Variants in ZCCHC24 observed in about 807,000 individuals in gnomAD.
The protein encoded by ZCCHC24 is zinc finger CCHC domain-containing protein 24.
In ZCCHC24, 10 loss-of-function variants were observed where a neutral mutation model predicts 26.2. The ratio of observed to expected loss-of-function variants is 0.38; its 90% CI spans 0.24 to 0.65. The LOEUF (loss-of-function observed/expected upper bound fraction) is 0.65, where lower values mean the gene tolerates loss of function less well. Ranked by LOEUF, ZCCHC24 falls within the 30% of genes least tolerant of loss-of-function variation. The pLI, the probability that ZCCHC24 is intolerant of heterozygous loss-of-function variation, is 0.54. For synonymous variants in ZCCHC24, 144 were observed against 147.1 expected, an observed-to-expected ratio of 0.98 and a Z score of 0.15; for missense variants, 243 against 329.1, an observed-to-expected ratio of 0.74 and a Z score of 2.03.
intron 3 of ZCCHC24, among the ~76,000 whole-genome samples, chr10:79,393,747 A>G (rs1024261490): frequency 2.0e-5 from 3 of 152,060 alleles, no homozygotes; most frequent in African/African-American, 2.4e-5. Flanking sequence ...TTACAGCCTC[A>G]GGGCATTTGC....
chr10:79,404,514 C>T (rs1856681859), intron 2 of ZCCHC24, among the ~76,000 whole-genome samples: 2 of 152,164 alleles, frequency 1.3e-5, no homozygotes, highest in South Asian at 4.1e-4. Context: ...ACAGGGATTG[C>T]TGGCTGCCTT....
At chr10:79,407,611 C>T (rs568382601) in intron 2 of ZCCHC24, among the ~76,000 whole-genome samples, 1 of 152,296 alleles carries the variant, frequency 6.6e-6, no homozygotes, top group Non-Finnish European at 1.5e-5. Context: ...GCCACCGCCC[C>T]AGTGATCCTG....
At chr10:79,413,253 A>G (rs7100203) in intron 2 of ZCCHC24, among the ~76,000 whole-genome samples, 5,370 of 152,336 alleles carry the variant, frequency 0.035, 314 homozygotes, top group African/African-American at 0.12. Context: ...ACCGGCCCAC[A>G]GCATGGAGAG....
chr10:79,426,840 C>T (rs1002306608), intron 2 of ZCCHC24, among the ~76,000 whole-genome samples: 7 of 152,038 alleles, frequency 4.6e-5, no homozygotes, highest in African/African-American at 9.7e-5. Context: ...CCTAAATCTA[C>T]GTCAAAAAGA....
At chr10:79,395,482 G>A (rs1181177261) in intron 2 of ZCCHC24, among the ~76,000 whole-genome samples, 1 of 152,226 alleles carries the variant, frequency 6.6e-6, no homozygotes, top group Non-Finnish European at 1.5e-5. Context: ...CAATGGGTAT[G>A]AGCACCACTA....
rs5786398 is a variant in ZCCHC24 at position 79,383,631 on chromosome 10, CTTTT to C, written c.*2710_*2713del. The C allele has an allele frequency of 6.9e-6, 1 of 144,326 alleles. No homozygotes were observed. Among genetic ancestry groups the C allele is most frequent in the Non-Finnish European group, 1.5e-5 (1 of 65,740 alleles). 8.9% of individuals were successfully genotyped at this position (144,326 alleles called of 1,614,324 possible). On this transcript the variant is annotated 3_prime_UTR_variant, in exon 4 of 4. Coordinates refer to ENST00000372336, the MANE Select transcript of ZCCHC24 (RefSeq NM_153367.4). ...AATCAAACAATTATATTTTTCTTTT[CTTTT>C]TTTTTTTTTAAAAAAAGGCCCTCAA...
At position 79,382,643 on chromosome 10, in the gene ZCCHC24, A is replaced by AT; in HGVS notation, c.*3701dup. 1 of 153,020 alleles carries AT rather than the reference A, an allele frequency of 6.5e-6. No individual in the cohort carries two copies. The allele number at this position is 153,020 out of a possible 1,614,324, so 9.5% of individuals were successfully genotyped here. ...ACAGCCCCCAGGGGACCGCTTGGCC[A>AT]TCTCGCTGAAGGCTGGAACACCCCC... On this transcript the variant is annotated 3_prime_UTR_variant, in exon 4 of 4. Coordinates refer to ENST00000372336, the MANE Select transcript of ZCCHC24 (RefSeq NM_153367.4).
At chr10:79,411,037 A>G (rs1284205260) in intron 2 of ZCCHC24, among the ~76,000 whole-genome samples, 1 of 152,116 alleles carries the variant, frequency 6.6e-6, no homozygotes, top group African/African-American at 2.4e-5. Context: ...AGGGAAGGTG[A>G]TGACGGTGTC....
intron 2 of ZCCHC24, among the ~76,000 whole-genome samples, chr10:79,425,502 T>C (rs572314451): frequency 4.6e-5 from 7 of 152,352 alleles, no homozygotes; most frequent in Admixed American, 2.0e-4. Context: ...CTGAGAATGA[T>C]AGTGGAGATC....
chr10:79,421,937 A>AT (rs931496209), intron 2 of ZCCHC24, among the ~76,000 whole-genome samples: 32 of 152,120 alleles, frequency 2.1e-4, no homozygotes, highest in African/African-American at 7.5e-4. Context: ...CCTTCTATAC[A>AT]TTTTTTTATG....
chr10:79,440,063 G>T (rs1857270891), intron 1 of ZCCHC24, among the ~76,000 whole-genome samples: 1 of 152,024 alleles, frequency 6.6e-6, no homozygotes, highest in African/African-American at 2.4e-5. Flanking sequence ...GACCAGTATG[G>T]CCAGAGGAGG....
In ZCCHC24 at chr10:79,413,804, G is replaced by A. The variant is rs1403165018; in HGVS notation, c.447+18754C>T. On this transcript the variant is annotated intron_variant, in intron 2 of 3. Coordinates refer to ENST00000372336, the MANE Select transcript of ZCCHC24 (RefSeq NM_153367.4). ...TGAGAGAGAGAGAGAGAGAGAGAGA[G>A]TTTAGGGAGGTGCTTCGGATGTGAT... 5.3e-5 allele frequency among the ~76,000 whole-genome samples: 8 copies of A among 149,768 alleles called. No individual in the cohort carries two copies. The Admixed American group carries it at 5.4e-4, about 10-fold the overall frequency.
intron 2 of ZCCHC24, chr10:79,403,445 G>A: frequency 1.0e-6 from 1 of 985,488 alleles, no homozygotes; most frequent in Non-Finnish European, 1.2e-6. Context: ...ACGGCCGGGG[G>A]AGGCAGGTGG....
At chr10:79,416,570 T>C (rs747126041) in intron 2 of ZCCHC24, among the ~76,000 whole-genome samples, 10 of 152,356 alleles carry the variant, frequency 6.6e-5, no homozygotes, top group Non-Finnish European at 1.2e-4. Flanking sequence ...GGCGAATCCC[T>C]TGACGTCTCT....
rs545510921 is a variant in ZCCHC24 at position 79,397,538 on chromosome 10, C to T, written c.448-3098G>A. Among the ~76,000 whole-genome samples, 9 of 152,298 alleles carry T rather than the reference C, an allele frequency of 5.9e-5. No individual in the cohort carries two copies. The South Asian group carries it at 1.9e-3, about 32-fold the overall frequency. ...CCCTCTATCACAACCCCTCATCTTC[C>T]ATTATCTGAAATAAAGCACTGGATG... On this transcript the variant is annotated intron_variant, in intron 2 of 3. Coordinates refer to ENST00000372336, the MANE Select transcript of ZCCHC24 (RefSeq NM_153367.4).
chr10:79,442,378 C>T (rs1406303695), intron 1 of ZCCHC24, among the ~76,000 whole-genome samples: 3 of 152,210 alleles, frequency 2.0e-5, no homozygotes, highest in Non-Finnish European at 4.4e-5. Flanking sequence ...GCCAGTGTGC[C>T]ACTCAGAACC....
At chr10:79,407,864 T>A (rs748266140) in intron 2 of ZCCHC24, among the ~76,000 whole-genome samples, 1 of 151,896 alleles carries the variant, frequency 6.6e-6, no homozygotes, top group Non-Finnish European at 1.5e-5. Context: ...GAAAGGCCCA[T>A]CTCTTTAAAA....
In ZCCHC24 at chr10:79,432,698, C is replaced by T. The variant is rs1422481417; in HGVS notation, c.307G>A (p.Asp103Asn). ...SPYGSLNNIA[D>N]GLSSLTEHFS... ...TGCTCGGTGAGGGAGCTGAGGCCAT[C>T]GGCGATGTTGTTGAGGGAGCCATAG... The change falls in exon 2 of 4, where the codon GAT becomes AAT. Residue 103 changes from aspartate (D) to asparagine (N), a missense_variant. Physicochemically the swap from Asp to Asn is conservative, Grantham distance 23. Coordinates refer to ENST00000372336, the MANE Select transcript of ZCCHC24 (RefSeq NM_153367.4). 6 of 1,608,686 alleles carry T rather than the reference C, an allele frequency of 3.7e-6. No individual in the cohort carries two copies. Among genetic ancestry groups the T allele is most frequent in the African/African-American group, 2.7e-5 (2 of 74,658 alleles).
intron 2 of ZCCHC24, among the ~76,000 whole-genome samples, chr10:79,404,548 GCCACC>G (rs1296842427): frequency 2.0e-5 from 3 of 152,206 alleles, no homozygotes; most frequent in African/African-American, 7.2e-5. Flanking sequence ...AAGATCTGCA[GCCACC>G]CTGCTGTTTG....
Sources: gnomAD v4.1 joint callset for allele counts (sites outside exome capture counted in the v4.1 genomes callset) on GRCh38, gnomAD v4.1.1 for gene constraint, MANE v1.5 for transcripts, NCBI Gene and HGNC (gene_info 2026-07-23, HGNC 2026-07-21) for gene names.